Variants in RLF observed in about 807,000 individuals in gnomAD.
The protein encoded by RLF is RLF zinc finger, also known as zinc finger protein Rlf.
RLF carries 7 observed loss-of-function variants against 162.9 expected under a neutral mutation model. The ratio of observed to expected loss-of-function variants is 0.04; its 90% confidence interval spans 0.02 to 0.08. The LOEUF is 0.08. RLF is among the 10% of genes least tolerant of loss of function. The pLI is 1.00. For missense variants in RLF, 1,664 were observed against 2,244.7 expected (o/e 0.74, Z 5.23); for synonymous variants, 782 against 791.5 (o/e 0.99, Z 0.20).
At chr1:40,218,934 A>G (rs896510072) in intron 5 of RLF, among the ~76,000 whole-genome samples, 1 of 152,206 alleles carries the variant, frequency 6.6e-6, no homozygotes. Context: ...TAGCTATAGA[A>G]TTGTAAGCCC....
chr1:40,215,617 G>A (rs998848766), intron 5 of RLF, among the ~76,000 whole-genome samples: 2 of 151,990 alleles, frequency 1.3e-5, no homozygotes, highest in Admixed American at 1.3e-4. Flanking sequence ...GTCTCACTCT[G>A]TCCCTCAGAC....
intron 6 of RLF, among the ~76,000 whole-genome samples, chr1:40,228,661 T>C (rs78917510): frequency 0.048 from 7,350 of 152,222 alleles, 580 homozygotes; most frequent in African/African-American, 0.17. Context: ...CTAACTTTGT[T>C]GCCAGGCTGG....
At chr1:40,178,620 T>G (rs1179130068) in intron 1 of RLF, among the ~76,000 whole-genome samples, 11 of 138,410 alleles carry the variant, frequency 7.9e-5, no homozygotes, top group Admixed American at 1.4e-4. Flanking sequence ...GTCTTTGGTG[T>G]TTTTTTTTTT....
At chr1:40,229,749 G>A (rs1474538126) in intron 6 of RLF, among the ~76,000 whole-genome samples, 1 of 151,432 alleles carries the variant, frequency 6.6e-6, no homozygotes, top group Non-Finnish European at 1.5e-5. Context: ...CACCACGCCC[G>A]GCCAGTCATT....
At chr1:40,164,790 T>C (rs1483454187) in intron 1 of RLF, among the ~76,000 whole-genome samples, 1 of 152,218 alleles carries the variant, frequency 6.6e-6, no homozygotes, top group Admixed American at 6.5e-5. Flanking sequence ...TGATTACACT[T>C]TGAGAATACT....
At chr1:40,207,151 T>C (rs1642807920) in intron 5 of RLF, among the ~76,000 whole-genome samples, 1 of 152,320 alleles carries the variant, frequency 6.6e-6, no homozygotes, top group South Asian at 2.1e-4. Context: ...ATAGGTTGTT[T>C]ACTGGTATAT....
chr1:40,189,086 C>G lies in RLF; in HGVS notation c.269C>G (p.Ala90Gly), dbSNP rs368853836. 1.9e-6 allele frequency: 3 copies of G among 1,609,632 alleles called. No homozygotes were observed. The African/African-American group carries it at 4.0e-5, about 22-fold the overall frequency. The change falls in exon 2 of 8, where the codon GCA becomes GGA. Residue 90 changes from alanine (A) to glycine (G), a missense_variant. By Grantham distance (60) the Ala-to-Gly change is moderately conservative. Around this residue, in one of 15 missense-constraint regions of RLF, gnomAD observed 134 missense variants for 124.3 expected, o/e 1.08. Transcript: ENST00000372771. ...TLLQYASNKN[A>G]SEHIVYLLEV... ...TTGCAATATGCAAGCAACAAGAATG[C>G]ATCAGAACATATTGTGTATCTTCTG... is the stretch of plus-strand genomic sequence containing the variant.
rs1264766330 is a variant in RLF, at chr1:40,239,556, T to C, written c.4854T>C (p.Cys1618=). The C allele has an allele frequency of 1.2e-6, 2 of 1,614,084 alleles. No homozygotes were observed. Among genetic ancestry groups the C allele is most frequent in the Non-Finnish European group, 1.7e-6 (2 of 1,180,020 alleles). Residue 1618 remains cysteine, a synonymous_variant, in exon 8 of 8, where the codon TGT becomes TGC. Transcript: ENST00000372771. ...TAAAGAAAGAAGAAAATAGAAGCTGTGAATCAGAGCGCACAGAACACAGCC... is the reference window on the plus strand; with the variant it reads ...TAAAGAAAGAAGAAAATAGAAGCTGCGAATCAGAGCGCACAGAACACAGCC... ...PCIKKEENRS[C]ESERTEHSHS...
At chr1:40,186,366 A>C (rs1431966776) in intron 1 of RLF, among the ~76,000 whole-genome samples, 1 of 152,140 alleles carries the variant, frequency 6.6e-6, no homozygotes, top group African/African-American at 2.4e-5. Flanking sequence ...GGTATAAGAG[A>C]TCTCACTACT....
chr1:40,221,817 T>A (rs12730213), intron 5 of RLF, among the ~76,000 whole-genome samples: 2 of 147,948 alleles, frequency 1.4e-5, no homozygotes, highest in Admixed American at 6.8e-5. Flanking sequence ...GGAGAATGGC[T>A]TGAACCCGGA....
chr1:40,231,320 G>T (rs1570563496), intron 6 of RLF, among the ~76,000 whole-genome samples, 197 bp from the exon 7 acceptor site: 1 of 152,270 alleles, frequency 6.6e-6, no homozygotes, highest in East Asian at 1.9e-4. Flanking sequence ...CAAGAGAGAA[G>T]TCAGGGAATT....
intron 6 of RLF, among the ~76,000 whole-genome samples, chr1:40,231,303 C>T (rs1347195621): frequency 2.6e-5 from 4 of 152,072 alleles, no homozygotes; most frequent in African/African-American, 9.7e-5. Flanking sequence ...ATTTTTCCCC[C>T]TAAACACAAG....
At chr1:40,216,412 C>T (rs1167449440) in intron 5 of RLF, among the ~76,000 whole-genome samples, 2 of 151,596 alleles carry the variant, frequency 1.3e-5, no homozygotes, top group East Asian at 2.0e-4. Flanking sequence ...CGCTTGAACC[C>T]GGGAGGCAGA....
intron 1 of RLF, among the ~76,000 whole-genome samples, chr1:40,175,505 T>C (rs1642311064): frequency 6.6e-6 from 1 of 151,836 alleles, no homozygotes; most frequent in Non-Finnish European, 1.5e-5. Flanking sequence ...AAAAATTAGC[T>C]GGGCGTGGTG....
At chr1:40,178,821 C>T (rs1375144016) in intron 1 of RLF, among the ~76,000 whole-genome samples, 5 of 150,120 alleles carry the variant, frequency 3.3e-5, no homozygotes, top group Admixed American at 1.3e-4. Flanking sequence ...ACTGGTATCC[C>T]GCCTTATCAC....
chr1:40,172,090 G>A (rs1642253212), intron 1 of RLF, among the ~76,000 whole-genome samples: 1 of 152,004 alleles, frequency 6.6e-6, no homozygotes, highest in Admixed American at 6.6e-5. Flanking sequence ...TATTCCATCA[G>A]AAATTGCATT....
At position 40,233,300 on chromosome 1, in the gene RLF, T is replaced by C. The variant is rs1236460904; in HGVS notation, c.1089+1642T>C. ...TTTTGGCATATCTGTTCAGAATATA[T>C]AATAGTATTTCTGGTTACTTTTCTT... is the stretch of plus-strand genomic sequence containing the variant. On this transcript the variant is annotated intron_variant, in intron 7 of 7. Coordinates refer to ENST00000372771, the MANE Select transcript of RLF (RefSeq NM_012421.4). Among the ~76,000 whole-genome samples the C allele has an allele frequency of 2.0e-5, 3 of 152,164 alleles. No individual in the cohort carries two copies. The East Asian group carries it at 5.8e-4, about 29-fold the overall frequency.
chr1:40,172,013 A>C (rs546531458), intron 1 of RLF, among the ~76,000 whole-genome samples: 31 of 152,286 alleles, frequency 2.0e-4, no homozygotes, highest in African/African-American at 7.5e-4. Context: ...AAACCTGCTT[A>C]TTATTGTAGA....
At chr1:40,185,082 GT>G (rs1163169254) in intron 1 of RLF, among the ~76,000 whole-genome samples, 1 of 151,760 alleles carries the variant, frequency 6.6e-6, no homozygotes, top group Non-Finnish European at 1.5e-5. Flanking sequence ...CAAAAAAAAA[GT>G]TTTTTTTAAT....
Sources: allele counts gnomAD v4.1 joint callset (sites outside exome capture counted in the v4.1 genomes callset), GRCh38; gene constraint gnomAD v4.1.1; regional missense constraint gnomAD v4.1.1; transcripts MANE v1.5; gene names NCBI Gene and HGNC (gene_info 2026-07-23, HGNC 2026-07-21).